STXBP4: variants seen among roughly 807,000 people sequenced by gnomAD.
STXBP4 encodes the protein syntaxin binding protein 4.
A neutral mutation model predicts 76.1 loss-of-function variants in STXBP4; 55 were observed. The ratio of observed to expected loss-of-function variants is 0.72; its 90% CI spans 0.58 to 0.91. The LOEUF (loss-of-function observed/expected upper bound fraction) is 0.91, where lower values mean the gene tolerates loss of function less well. Ranked by LOEUF, STXBP4 falls within the 40% of genes least tolerant of loss-of-function variation. The probability of loss-of-function intolerance (pLI) is 0.00; values close to 1 mark genes in which losing one functional copy is unlikely to be tolerated. For synonymous variants in STXBP4, 201 were observed against 220.2 expected, an observed-to-expected ratio of 0.91 and a Z score of 0.77; for missense variants, 618 against 636.9, an observed-to-expected ratio of 0.97 and a Z score of 0.32.
the STXBP4 span, among the ~76,000 whole-genome samples, chr17:55,205,631 G>A: frequency 1.3e-5 from 2 of 151,842 alleles, no homozygotes; most frequent in South Asian, 4.2e-4. Flanking sequence ...ACTAGAAATA[G>A]CCAATAAACC....
chr17:55,076,884 G>T (rs1420525), intron 13 of STXBP4, among the ~76,000 whole-genome samples: 3,668 of 151,982 alleles, frequency 0.024, 172 homozygotes, highest in East Asian at 0.22. Context: ...TACCTCTGTT[G>T]TCAAGTTCAC....
chr17:55,213,055 A>G, the STXBP4 span, among the ~76,000 whole-genome samples: 153 of 152,274 alleles, frequency 1.0e-3, no homozygotes, highest in Non-Finnish European at 1.4e-3. Context: ...GTGGTGTAGA[A>G]TCTGATTCAT....
At chr17:55,020,194 T>A (rs930901628) in intron 8 of STXBP4, among the ~76,000 whole-genome samples, 3 of 152,188 alleles carry the variant, frequency 2.0e-5, no homozygotes, top group Non-Finnish European at 4.4e-5. Context: ...GGCCTCTCCT[T>A]CATATTTTGC....
chr17:54,971,368 A>G (rs1351223363), intron 1 of STXBP4, among the ~76,000 whole-genome samples: 1 of 152,230 alleles, frequency 6.6e-6, no homozygotes, highest in Non-Finnish European at 1.5e-5. Context: ...TCAAAGATCA[A>G]TGTATCAACT....
chr17:55,186,729 T>A, the STXBP4 span, among the ~76,000 whole-genome samples: 1 of 152,250 alleles, frequency 6.6e-6, no homozygotes, highest in East Asian at 1.9e-4. Context: ...AAGGTCTCTG[T>A]GATCTTTTGC....
the STXBP4 span, among the ~76,000 whole-genome samples, chr17:55,207,170 T>A: frequency 2.0e-5 from 3 of 152,088 alleles, no homozygotes; most frequent in Non-Finnish European, 2.9e-5. Context: ...GCTCACACAT[T>A]CTTTTTCCAC....
the STXBP4 span, among the ~76,000 whole-genome samples, chr17:55,207,039 A>G: frequency 6.6e-6 from 1 of 151,864 alleles, no homozygotes; most frequent in East Asian, 1.9e-4. Flanking sequence ...CCCTCCTGCA[A>G]CTTCTCACAG....
At chr17:55,084,810 C>A (rs1223033928) in intron 16 of STXBP4, among the ~76,000 whole-genome samples, 1 of 152,162 alleles carries the variant, frequency 6.6e-6, no homozygotes, top group African/African-American at 2.4e-5. Flanking sequence ...GGCGTTATTT[C>A]TGAGGGCTCT....
chr17:55,008,122 A>C (rs2078042293), intron 8 of STXBP4, among the ~76,000 whole-genome samples: 1 of 152,194 alleles, frequency 6.6e-6, no homozygotes, highest in Admixed American at 6.5e-5. Flanking sequence ...AAAGAAACTT[A>C]AGATGATTAA....
rs1450866788 is a variant in STXBP4, at chr17:55,168,061, C to A, written c.*8150C>A. 3 of 151,954 alleles carry A rather than the reference C, an allele frequency of 2.0e-5. No homozygotes were observed. The highest frequency in any genetic ancestry group is 2.9e-5 in the Non-Finnish European group (2 of 67,956). 9.4% of individuals were successfully genotyped at this position (151,954 alleles called of 1,614,324 possible). ...TAATCTAATGCCAGCTTTTATTTTT[C>A]TTTGGTGATTACCACACAAAAATAA... On this transcript the variant is annotated 3_prime_UTR_variant, in exon 18 of 18. Transcript: ENST00000376352.
At chr17:55,191,803 G>A in the STXBP4 span, among the ~76,000 whole-genome samples, 1 of 152,164 alleles carries the variant, frequency 6.6e-6, no homozygotes, top group African/African-American at 2.4e-5. Flanking sequence ...CTCAGAGATA[G>A]TGCAGATCCC....
intron 16 of STXBP4, among the ~76,000 whole-genome samples, chr17:55,110,498 T>A (rs2079698794): frequency 6.6e-6 from 1 of 152,130 alleles, no homozygotes; most frequent in Admixed American, 6.6e-5. Flanking sequence ...ACATTCCAGA[T>A]GGAAGGGATA....
downstream of STXBP4, among the ~76,000 whole-genome samples, chr17:55,177,485 A>T (rs1184068201): frequency 6.6e-6 from 1 of 152,188 alleles, no homozygotes; most frequent in Non-Finnish European, 1.5e-5. Flanking sequence ...TGAAAAGAAA[A>T]TGTGGCTGAT....
At chr17:55,145,735 CTGTGTG>C (rs59653900) in intron 17 of STXBP4, among the ~76,000 whole-genome samples, 1 of 151,230 alleles carries the variant, frequency 6.6e-6, no homozygotes, top group South Asian at 2.1e-4. Context: ...GTGTATGTTT[CTGTGTG>C]TGTGTGTGTA....
At chr17:55,053,665 C>T (rs1032428180) in intron 12 of STXBP4, among the ~76,000 whole-genome samples, 5 of 151,984 alleles carry the variant, frequency 3.3e-5, no homozygotes, top group East Asian at 1.9e-4. Flanking sequence ...GGCCAATTTT[C>T]GGACCCTCAT....
chr17:55,179,237 A>T, the STXBP4 span, among the ~76,000 whole-genome samples: 24 of 152,158 alleles, frequency 1.6e-4, no homozygotes, highest in African/African-American at 5.8e-4. Context: ...GGACTATTTA[A>T]TACTCTTGGG....
chr17:55,103,085 G>A (rs1326037332), intron 16 of STXBP4, among the ~76,000 whole-genome samples: 1 of 152,086 alleles, frequency 6.6e-6, no homozygotes, highest in East Asian at 1.9e-4. Context: ...CAGGTTGTCT[G>A]TTCACTCTGA....
At chr17:55,206,684 C>G in the STXBP4 span, among the ~76,000 whole-genome samples, 1 of 151,774 alleles carries the variant, frequency 6.6e-6, no homozygotes, top group Non-Finnish European at 1.5e-5. Context: ...TGGTGAAACC[C>G]CATCTCTACT....
At chr17:55,137,649 G>T (rs1598343423) in intron 16 of STXBP4, among the ~76,000 whole-genome samples, 1 of 152,150 alleles carries the variant, frequency 6.6e-6, no homozygotes, top group South Asian at 2.1e-4. Flanking sequence ...GTTCTCTATT[G>T]CTAAAATAGG....
Sources: allele counts gnomAD v4.1 joint callset (sites outside exome capture counted in the v4.1 genomes callset), GRCh38; gene constraint gnomAD v4.1.1; transcripts MANE v1.5; gene names NCBI Gene and HGNC (gene_info 2026-07-23, HGNC 2026-07-21).